KCNJ10: variants seen among roughly 807,000 people sequenced by gnomAD.
KCNJ10 encodes the protein ATP-sensitive inward rectifier potassium channel 10.
In KCNJ10, 9 loss-of-function variants were observed where a neutral mutation model predicts 22.2. The observed-to-expected ratio is 0.40, with a 90% CI of 0.24 to 0.71. KCNJ10 has a LOEUF of 0.71. Among genes scored for constraint, KCNJ10 ranks in the 30% least tolerant of loss-of-function variants. The pLI is 0.35. For missense variants in KCNJ10, 337 were observed against 482.7 expected (o/e 0.70, Z 2.83); for synonymous variants, 184 against 187.3 (o/e 0.98, Z 0.15).
rs115725914 is a variant in KCNJ10, at chr1:160,041,256, C to T, written c.*137G>A. On this transcript the variant is annotated 3_prime_UTR_variant, in exon 2 of 2. Transcript: ENST00000644903. This position sits in a 1 kb window ranked among gnomAD's most constrained non-coding sequence, Gnocchi z 4.4. The stretch of plus-strand genomic sequence containing the variant: ...GACTCCAGTTGGCCTAAGCTACCAA[C>T]AGGCCACTGGGTTAAAGAAGAGGGA... 1.8e-3 allele frequency: 1,571 copies of T among 890,398 alleles called. 18 individuals are homozygous for T. The African/African-American group carries it at 0.024, about 14-fold the overall frequency. 55.2% of individuals were successfully genotyped at this position (890,398 alleles called of 1,614,324 possible).
Position 160,042,504 on chromosome 1 carries a change from CTG to C in KCNJ10, c.27_28del (p.Tyr9Ter). On this transcript the variant is annotated stop_gained and frameshift_variant, in exon 2 of 2. Coordinates refer to ENST00000644903, the MANE Select transcript of KCNJ10 (RefSeq NM_002241.5). LOFTEE classifies it high-confidence loss of function. The stretch of plus-strand genomic sequence containing the variant: ...CCGGCTTTCTGTCTGAGTGGTCTGA[CTG>C]TAATACACCTTGGCAACTGACGTCA... 6.2e-7 allele frequency: 1 copy of C among 1,614,144 alleles called. No individual in the cohort carries two copies. The highest frequency in any genetic ancestry group is 8.5e-7 in the Non-Finnish European group (1 of 1,180,038).
At chr1:160,061,580 G>A (rs987837074) in intron 1 of KCNJ10, among the ~76,000 whole-genome samples, 2 of 152,008 alleles carry the variant, frequency 1.3e-5, no homozygotes, top group Non-Finnish European at 2.9e-5. Flanking sequence ...TAACGTATAA[G>A]CAGGTGCAGT....
intron 1 of KCNJ10, among the ~76,000 whole-genome samples, chr1:160,049,673 A>ATT (rs1397729161): frequency 0.027 from 1,957 of 71,374 alleles, 58 homozygotes; most frequent in Admixed American, 0.039. Context: ...CATTTTATTT[A>ATT]TTTATATATA....
intron 1 of KCNJ10, among the ~76,000 whole-genome samples, chr1:160,060,679 G>C (rs1649169649): frequency 6.6e-6 from 1 of 152,154 alleles, no homozygotes; most frequent in African/African-American, 2.4e-5. Flanking sequence ...TGTGCAGTCA[G>C]CCCTCAAGTC....
In KCNJ10 at chr1:160,041,288, G is replaced by A; in HGVS notation, c.*105C>T. On this transcript the variant is annotated 3_prime_UTR_variant, in exon 2 of 2. Coordinates refer to ENST00000644903, the MANE Select transcript of KCNJ10 (RefSeq NM_002241.5). The surrounding 1 kb of genome is among the most constrained non-coding windows in gnomAD (Gnocchi z 4.4). ...CTGGGTTAAAGAAGAGGGAGTGGAG[G>A]ATGGGTGCTTCGGGGGATCTCCAGT... 8.6e-7 allele frequency: 1 copy of A among 1,160,456 alleles called. No individual in the cohort carries two copies. Among genetic ancestry groups the A allele is most frequent in the Non-Finnish European group, 1.3e-6 (1 of 798,954 alleles). 71.9% of individuals were successfully genotyped at this position (1,160,456 alleles called of 1,614,324 possible).
chr1:160,048,460 G>A (rs1030178723), intron 1 of KCNJ10, among the ~76,000 whole-genome samples: 5 of 152,216 alleles, frequency 3.3e-5, no homozygotes, highest in Middle Eastern at 6.3e-3. Context: ...GAGCATTGGA[G>A]TTGATTATGC....
At chr1:160,064,434 A>G (rs548697455) in intron 1 of KCNJ10, among the ~76,000 whole-genome samples, 4 of 152,394 alleles carry the variant, frequency 2.6e-5, no homozygotes, top group African/African-American at 9.6e-5. Context: ...TTGTGAAAAT[A>G]TAAGACAATG....
At position 160,041,318 on chromosome 1, in the gene KCNJ10, C is replaced by T. The variant is rs1648594309; in HGVS notation, c.*75G>A. On this transcript the variant is annotated 3_prime_UTR_variant, in exon 2 of 2. Coordinates refer to ENST00000644903, the MANE Select transcript of KCNJ10 (RefSeq NM_002241.5). The surrounding 1 kb of genome is among the most constrained non-coding windows in gnomAD (Gnocchi z 4.4). ...GTGCTTCGGGGGATCTCCAGTAAAC[C>T]CGGGTAGTATTCCTTACCAGGGCAT... The T allele has an allele frequency of 7.0e-6, 10 of 1,435,378 alleles. No individual in the cohort carries two copies. Among genetic ancestry groups the T allele is most frequent in the Non-Finnish European group, 9.6e-6 (10 of 1,036,446 alleles). 88.9% of individuals were successfully genotyped at this position (1,435,378 alleles called of 1,614,324 possible). A position where few individuals can be genotyped will look rare whatever the true frequency, so the allele number is the denominator to read the frequency against.
intron 1 of KCNJ10, among the ~76,000 whole-genome samples, chr1:160,046,784 C>T (rs1362867254): frequency 6.6e-6 from 1 of 152,160 alleles, no homozygotes; most frequent in Non-Finnish European, 1.5e-5. Context: ...GGGAAGGAAT[C>T]GAGCCAAAGC....
At position 160,041,325 on chromosome 1, in the gene KCNJ10, G is replaced by A. The variant is rs1473214508; in HGVS notation, c.*68C>T. The A allele has an allele frequency of 1.4e-6, 2 of 1,464,556 alleles. No homozygotes were observed. Among genetic ancestry groups the A allele is most frequent in the Admixed American group, 1.8e-5 (1 of 54,986 alleles). The allele number at this position is 1,464,556 out of a possible 1,614,324, so 90.7% of individuals were successfully genotyped here. On this transcript the variant is annotated 3_prime_UTR_variant, in exon 2 of 2. Coordinates refer to ENST00000644903, the MANE Select transcript of KCNJ10 (RefSeq NM_002241.5). The surrounding 1 kb of genome is among the most constrained non-coding windows in gnomAD (Gnocchi z 4.4). ...GGGGGATCTCCAGTAAACCCGGGTAGTATTCCTTACCAGGGCATTGGAAGA... is the reference window on the plus strand; with the variant it reads ...GGGGGATCTCCAGTAAACCCGGGTAATATTCCTTACCAGGGCATTGGAAGA...
At chr1:160,042,634 G>A (rs1648639577) in intron 1 of KCNJ10, 102 bp from the exon 2 acceptor site, 7 of 1,031,590 alleles carry the variant, frequency 6.8e-6, no homozygotes, top group South Asian at 1.3e-5. Flanking sequence ...TTTGAATGTC[G>A]CTTATGTGTT....
chr1:160,059,471 A>G (rs1390059276), intron 1 of KCNJ10, among the ~76,000 whole-genome samples: 1 of 152,134 alleles, frequency 6.6e-6, no homozygotes, highest in African/African-American at 2.4e-5. Context: ...CCTGGGGTCC[A>G]AAAGTGCCAG....
intron 1 of KCNJ10, among the ~76,000 whole-genome samples, chr1:160,059,536 C>A (rs1009295219): frequency 2.0e-5 from 3 of 152,220 alleles, no homozygotes; most frequent in East Asian, 1.9e-4. Context: ...CCCAGCCAAC[C>A]ACAGCCACAG....
At chr1:160,052,651 T>C (rs1349905415) in intron 1 of KCNJ10, among the ~76,000 whole-genome samples, 1 of 152,162 alleles carries the variant, frequency 6.6e-6, no homozygotes, top group Non-Finnish European at 1.5e-5. Flanking sequence ...CACTCAGAAC[T>C]AAGAGACAGC....
At position 160,041,426 on chromosome 1, in the gene KCNJ10, GCCC is replaced by G; in HGVS notation, c.1104_1106del (p.Glu368_Gly369delinsAsp). ...TGCTGATGCGCACACTAAGGGCACTGCCCTCCTTCTCAGCTTGCTCCCTTAATG... is the reference window on the plus strand; with the variant it reads ...TGCTGATGCGCACACTAAGGGCACTGTCCTTCTCAGCTTGCTCCCTTAATG... On this transcript the variant is annotated inframe_deletion, in exon 2 of 2. Transcript: ENST00000644903. The surrounding 1 kb of genome is among the most constrained non-coding windows in gnomAD (Gnocchi z 4.4). The G allele has an allele frequency of 6.2e-7, 1 of 1,613,686 alleles. No homozygotes were observed. Among genetic ancestry groups the G allele is most frequent in the Non-Finnish European group, 8.5e-7 (1 of 1,179,962 alleles).
At chr1:160,062,791 T>C (rs186941371) in intron 1 of KCNJ10, among the ~76,000 whole-genome samples, 117 of 152,198 alleles carry the variant, frequency 7.7e-4, no homozygotes, top group South Asian at 1.2e-3. Flanking sequence ...AACAGAGTAA[T>C]ACATAGCAAG....
At chr1:160,045,104 G>A (rs1213107966) in intron 1 of KCNJ10, among the ~76,000 whole-genome samples, 3 of 152,182 alleles carry the variant, frequency 2.0e-5, no homozygotes, top group Non-Finnish European at 4.4e-5. Flanking sequence ...CTAAACTTCA[G>A]GAGATTTTTG....
intron 1 of KCNJ10, among the ~76,000 whole-genome samples, chr1:160,061,860 A>G (rs574581069): frequency 1.4e-4 from 22 of 152,008 alleles, no homozygotes; most frequent in South Asian, 8.3e-4. Context: ...GTCTGGGCAC[A>G]TCCGTTTGGG....
In KCNJ10 at chr1:160,061,226, A is replaced by C. The variant is rs983951220; in HGVS notation, c.-1+8796T>G. On this transcript the variant is annotated intron_variant, in intron 1 of 1. Transcript: ENST00000644903. ...ATAGTTGGGGGAAAAACACAAAAAA[A>C]CTAGCGGTGAGAGACCTCCATTCTA... Among the ~76,000 whole-genome samples the C allele has an allele frequency of 3.3e-5, 5 of 152,172 alleles. No individual in the cohort carries two copies. The East Asian group carries it at 7.7e-4, about 23-fold the overall frequency.
Sources: allele counts gnomAD v4.1 joint callset (sites outside exome capture counted in the v4.1 genomes callset), GRCh38; gene constraint gnomAD v4.1.1; non-coding constraint Gnocchi (gnomAD v3.1); transcripts MANE v1.5; gene names NCBI Gene and HGNC (gene_info 2026-07-23, HGNC 2026-07-21).